GRM7: variants seen among roughly 807,000 people sequenced by gnomAD.
The protein encoded by GRM7 is metabotropic glutamate receptor 7.
In GRM7, 35 loss-of-function variants were observed where a neutral mutation model predicts 84.5. That is an observed-to-expected ratio of 0.41 (90% CI 0.32 to 0.55). The LOEUF (loss-of-function observed/expected upper bound fraction) is 0.55, where lower values mean the gene tolerates loss of function less well. Among genes scored for constraint, GRM7 ranks in the 20% least tolerant of loss-of-function variants. The probability of loss-of-function intolerance (pLI) is 0.19; values close to 1 mark genes in which losing one functional copy is unlikely to be tolerated. For missense variants in GRM7, 1,003 were observed against 1,194.6 expected (o/e 0.84, Z 2.36); for synonymous variants, 487 against 455.1 (o/e 1.07, Z -0.89).
intron 2 of GRM7, among the ~76,000 whole-genome samples, chr3:7,268,308 T>A (rs1338062705): frequency 1.5e-5 from 2 of 133,050 alleles, no homozygotes; most frequent in African/African-American, 2.9e-5. Context: ...AAAAAAAAAA[T>A]AGACGAGTGT....
chr3:7,100,150 C>T (rs1699061926), intron 1 of GRM7, among the ~76,000 whole-genome samples: 1 of 151,370 alleles, frequency 6.6e-6, no homozygotes, highest in Non-Finnish European at 1.5e-5. Flanking sequence ...AAAAATGGCA[C>T]AGAAACAAAG....
At chr3:7,430,314 TC>T (rs1696775149) in intron 5 of GRM7, among the ~76,000 whole-genome samples, 1 of 152,212 alleles carries the variant, frequency 6.6e-6, no homozygotes, top group Non-Finnish European at 1.5e-5. Flanking sequence ...ATGTTCAGCT[TC>T]TAAGATGTTT....
chr3:7,189,843 G>T (rs1695650090), intron 2 of GRM7, among the ~76,000 whole-genome samples: 1 of 152,048 alleles, frequency 6.6e-6, no homozygotes, highest in South Asian at 2.1e-4. Flanking sequence ...ATTGCAACAT[G>T]AGGAATAGTT....
At chr3:7,370,495 A>G (rs773258996) in intron 4 of GRM7, among the ~76,000 whole-genome samples, 5 of 152,096 alleles carry the variant, frequency 3.3e-5, no homozygotes, top group Non-Finnish European at 7.4e-5. Context: ...ACTTTCTGCC[A>G]TGATTGTGAG....
At chr3:7,546,635 A>G (rs1215952989) in intron 7 of GRM7, among the ~76,000 whole-genome samples, 3 of 152,214 alleles carry the variant, frequency 2.0e-5, no homozygotes, top group Non-Finnish European at 4.4e-5. Context: ...TTTTAAATTC[A>G]TAAATTAACA....
chr3:6,867,859 CCTT>C (rs945235375), intron 1 of GRM7, among the ~76,000 whole-genome samples: 24 of 151,984 alleles, frequency 1.6e-4, no homozygotes, highest in African/African-American at 5.8e-4. Flanking sequence ...GTTGAGTCAA[CCTT>C]CTTCACATTA....
chr3:7,538,954 C>T (rs886959230), intron 7 of GRM7, among the ~76,000 whole-genome samples: 4 of 151,538 alleles, frequency 2.6e-5, no homozygotes, highest in Non-Finnish European at 5.9e-5. Context: ...ATTCTTACTG[C>T]ACTGTGCATT....
At chr3:7,086,163 C>T (rs7625532) in intron 1 of GRM7, among the ~76,000 whole-genome samples, 87,095 of 151,956 alleles carry the variant, frequency 0.57, 27,215 homozygotes, top group African/African-American at 0.84. Context: ...ATTCTAGTTA[C>T]GTTCACTGGA....
chr3:6,937,778 A>G (rs953442145), intron 1 of GRM7, among the ~76,000 whole-genome samples: 10 of 152,198 alleles, frequency 6.6e-5, no homozygotes, highest in African/African-American at 2.4e-4. Context: ...TGTAATTTCT[A>G]TTATCTGTTA....
chr3:7,272,563 T>C (rs1698904817), intron 2 of GRM7, among the ~76,000 whole-genome samples: 1 of 152,188 alleles, frequency 6.6e-6, no homozygotes, highest in Non-Finnish European at 1.5e-5. Flanking sequence ...CATTTCTTCT[T>C]GTGGGAGTTT....
chr3:7,620,396 G>A (rs1697301365), intron 8 of GRM7, among the ~76,000 whole-genome samples: 1 of 152,100 alleles, frequency 6.6e-6, no homozygotes. Flanking sequence ...GGGACAGAGA[G>A]TTATGTTTTA....
At position 6,861,833 on chromosome 3, in the gene GRM7, A is replaced by T; in HGVS notation, c.445A>T (p.Lys149Ter). The change falls in exon 1 of 10, where the codon AAA becomes TAA. Residue 149 changes from lysine to a stop codon, truncating the protein, a stop_gained. Coordinates refer to ENST00000357716, the MANE Select transcript of GRM7 (RefSeq NM_000844.4). LOFTEE classifies it high-confidence loss of function. This position sits in a 1 kb window ranked among gnomAD's most constrained non-coding sequence, Gnocchi z 6.4. ...GEPPVFVKPE[K>*]VVGVIGASGS... is the part of the protein sequence containing the mutation. ...ACCGCCGGTTTTCGTCAAGCCGGAG[A>T]AAGTAGTTGGAGTGATTGGGGCTTC... 2 of 1,614,120 alleles carry T rather than the reference A, an allele frequency of 1.2e-6. No individual in the cohort carries two copies. The highest frequency in any genetic ancestry group is 1.7e-6 in the Non-Finnish European group (2 of 1,180,030).
intron 1 of GRM7, among the ~76,000 whole-genome samples, chr3:6,891,249 T>C (rs1034532225): frequency 1.3e-5 from 2 of 152,180 alleles, no homozygotes; most frequent in African/African-American, 4.8e-5. Context: ...GTTAATATTG[T>C]TATGTGTGAA....
intron 7 of GRM7, among the ~76,000 whole-genome samples, chr3:7,485,869 G>A (rs1247863330): frequency 6.6e-6 from 1 of 152,174 alleles, no homozygotes; most frequent in African/African-American, 2.4e-5. Flanking sequence ...CTGTTCACAT[G>A]TAAGAGTCAA....
chr3:7,691,184 C>G (rs1307965533), intron 9 of GRM7: 3 of 796,300 alleles, frequency 3.8e-6, no homozygotes, highest in Non-Finnish European at 3.7e-6. Context: ...TTTCAATTCC[C>G]TTTATATCTC....
At chr3:7,349,586 A>G (rs1011920050) in intron 4 of GRM7, among the ~76,000 whole-genome samples, 13 of 152,148 alleles carry the variant, frequency 8.5e-5, no homozygotes, top group Non-Finnish European at 1.6e-4. Flanking sequence ...TGTAAAATTG[A>G]ATAAGTTATG....
chr3:7,529,079 G>T (rs1012034202), intron 7 of GRM7, among the ~76,000 whole-genome samples: 5 of 151,952 alleles, frequency 3.3e-5, no homozygotes, highest in Admixed American at 6.6e-5. Flanking sequence ...TTTCTGCCTT[G>T]ATCTGTCTAA....
chr3:7,719,199 A>G (rs1701860536), intron 9 of GRM7, among the ~76,000 whole-genome samples: 1 of 152,178 alleles, frequency 6.6e-6, no homozygotes, highest in South Asian at 2.1e-4. Context: ...TGTCCTAGAC[A>G]GCCTGGATAT....
At chr3:6,947,168 A>C (rs1188662663) in intron 1 of GRM7, among the ~76,000 whole-genome samples, 4 of 152,208 alleles carry the variant, frequency 2.6e-5, no homozygotes, top group African/African-American at 9.6e-5. Context: ...TTGTCCATTC[A>C]GTATGATATT....
Sources: allele counts gnomAD v4.1 joint callset (sites outside exome capture counted in the v4.1 genomes callset), GRCh38; gene constraint gnomAD v4.1.1; non-coding constraint Gnocchi (gnomAD v3.1); transcripts MANE v1.5; gene names NCBI Gene and HGNC (gene_info 2026-07-23, HGNC 2026-07-21).